The following MGAT4C variants were observed in gnomAD, a reference collection of about 807,000 sequenced individuals.
MGAT4C encodes the protein MGAT4 family member C, also known as alpha-1,3-mannosyl-glycoprotein 4-beta-N-acetylglucosaminyltransferase C.
Under a neutral mutation model 40.1 loss-of-function variants are expected in MGAT4C, and 19 were observed. That is an observed-to-expected ratio of 0.47 (90% CI 0.33 to 0.70). MGAT4C has a LOEUF of 0.70. MGAT4C is among the 30% of genes least tolerant of loss of function. The pLI, the probability that MGAT4C is intolerant of heterozygous loss-of-function variation, is 0.02. For synonymous variants in MGAT4C, 181 were observed against 187.1 expected (o/e 0.97, Z 0.27); for missense variants, 491 against 563.2 (o/e 0.87, Z 1.30).
rs987823440 is a variant in MGAT4C, at chr12:86,761,031, T to C, written c.-261-33790A>G. Among the ~76,000 whole-genome samples, 8 of 152,322 alleles carry C rather than the reference T, an allele frequency of 5.3e-5. No individual in the cohort carries two copies. In the East Asian group the frequency reaches 9.6e-4, roughly 18 times the overall value. ...AATTTTGTTCAGTTTCACAGGTGTA[T>C]AAATGTGCCAAAACATATATTGTAC... On this transcript the variant is annotated intron_variant, in intron 1 of 7. Coordinates refer to the MGAT4C transcript ENST00000548651.
At chr12:86,246,817 T>A (rs145340158) in intron 1 of MGAT4C, among the ~76,000 whole-genome samples, 2 of 152,372 alleles carry the variant, frequency 1.3e-5, no homozygotes, top group African/African-American at 4.8e-5. Flanking sequence ...AATTTCCTGC[T>A]GGACTCCTTG....
rs142735483 is a variant in MGAT4C, at chr12:86,143,285, T to C, written c.-56-93562A>G. ...GTCTTAGTTTCAGAATCATCTCCAA[T>C]GAGATACAGATCTATCATAAAAAGC... is the stretch of plus-strand genomic sequence containing the variant. On this transcript the variant is annotated intron_variant, in intron 1 of 4. Coordinates refer to ENST00000611864, the MANE Select transcript of MGAT4C (RefSeq NM_001351288.2). Among the ~76,000 whole-genome samples the C allele has an allele frequency of 2.0e-5, 3 of 152,290 alleles. No individual in the cohort carries two copies. In the East Asian group the frequency reaches 5.8e-4, roughly 29 times the overall value.
intron 4 of MGAT4C, among the ~76,000 whole-genome samples, chr12:86,323,341 T>C (rs1162565352): frequency 6.6e-6 from 1 of 151,730 alleles, no homozygotes; most frequent in Non-Finnish European, 1.5e-5. Context: ...TCATCCATAT[T>C]TTAATATTCA....
intron 2 of MGAT4C, among the ~76,000 whole-genome samples, chr12:86,450,422 T>C (rs1957406490): frequency 6.6e-6 from 1 of 152,190 alleles, no homozygotes. Context: ...CTGACAATTA[T>C]TCAAATTGTC....
chr12:85,993,311 G>T (rs538243150), intron 2 of MGAT4C, among the ~76,000 whole-genome samples: 19 of 152,326 alleles, frequency 1.2e-4, no homozygotes, highest in African/African-American at 4.6e-4. Flanking sequence ...GGATGGGGAG[G>T]AGTTGGAAGA....
chr12:86,651,227 T>C (rs1291176044), intron 2 of MGAT4C, among the ~76,000 whole-genome samples: 1 of 151,934 alleles, frequency 6.6e-6, no homozygotes, highest in Non-Finnish European at 1.5e-5. Flanking sequence ...GCACAGATTC[T>C]TCTTCATGGT....
intron 4 of MGAT4C, among the ~76,000 whole-genome samples, chr12:86,329,657 G>T (rs12303046): frequency 0.11 from 16,654 of 151,934 alleles, 2,263 homozygotes; most frequent in African/African-American, 0.3. Flanking sequence ...TGTCTCATTC[G>T]TCTTAATACT....
At chr12:86,229,392 T>C (rs1951225967) in intron 1 of MGAT4C, among the ~76,000 whole-genome samples, 1 of 151,954 alleles carries the variant, frequency 6.6e-6, no homozygotes, top group Non-Finnish European at 1.5e-5. Context: ...GTGTCTACTA[T>C]ATTGGGAGAA....
intron 2 of MGAT4C, among the ~76,000 whole-genome samples, chr12:86,666,990 A>T (rs1964125838): frequency 6.6e-6 from 1 of 152,206 alleles, no homozygotes; most frequent in Non-Finnish European, 1.5e-5. Flanking sequence ...GGAAGGGATT[A>T]TACAAGGTAT....
chr12:85,981,121 G>T (rs938682050), intron 4 of MGAT4C, among the ~76,000 whole-genome samples: 2 of 151,940 alleles, frequency 1.3e-5, no homozygotes, highest in South Asian at 4.1e-4. Context: ...CAAGACATAA[G>T]CACCACTTTA....
chr12:86,513,086 A>T (rs1203912068), intron 2 of MGAT4C, among the ~76,000 whole-genome samples: 1 of 152,150 alleles, frequency 6.6e-6, no homozygotes, highest in African/African-American at 2.4e-5. Flanking sequence ...AGCCAATTAA[A>T]GTTGCAATGT....
At chr12:86,774,343 C>CTG (rs1565981678) in intron 1 of MGAT4C, among the ~76,000 whole-genome samples, 1 of 54,502 alleles carries the variant, frequency 1.8e-5, no homozygotes, top group Non-Finnish European at 4.4e-5. Context: ...TTCTTTCTGT[C>CTG]TCTCTCTCTC....
intron 2 of MGAT4C, among the ~76,000 whole-genome samples, chr12:86,039,438 A>T (rs575894469): frequency 6.6e-6 from 1 of 151,900 alleles, no homozygotes; most frequent in Non-Finnish European, 1.5e-5. Context: ...TTTTTTCTCT[A>T]ATCTTGTCTT....
intron 2 of MGAT4C, among the ~76,000 whole-genome samples, chr12:86,570,527 A>G (rs1960318418): frequency 6.6e-6 from 1 of 152,158 alleles, no homozygotes; most frequent in Non-Finnish European, 1.5e-5. Context: ...AATTAAACTA[A>G]AAAAGCGCAT....
chr12:86,829,877 A>G (rs1207064072), intron 1 of MGAT4C, among the ~76,000 whole-genome samples: 1 of 150,054 alleles, frequency 6.7e-6, no homozygotes, highest in Non-Finnish European at 1.5e-5. Flanking sequence ...AGACAGCAGT[A>G]CTAGATAAAA....
At chr12:86,811,802 T>C (rs1313507400) in intron 1 of MGAT4C, among the ~76,000 whole-genome samples, 1 of 151,650 alleles carries the variant, frequency 6.6e-6, no homozygotes. Flanking sequence ...CATTTTCCAA[T>C]TTTCAATTTT....
At chr12:86,737,444 TA>T (rs1951004988) in intron 1 of MGAT4C, among the ~76,000 whole-genome samples, 2 of 151,050 alleles carry the variant, frequency 1.3e-5, no homozygotes, top group South Asian at 4.2e-4. Flanking sequence ...ACTTTTTTCT[TA>T]AATAATCTAG....
chr12:86,745,789 G>C (rs75711669), intron 1 of MGAT4C, among the ~76,000 whole-genome samples: 4,989 of 151,670 alleles, frequency 0.033, 275 homozygotes, highest in African/African-American at 0.11. Context: ...TAATGAATTT[G>C]TGTCAGAATC....
chr12:86,054,122 T>A (rs1893158753), intron 1 of MGAT4C, among the ~76,000 whole-genome samples: 1 of 152,022 alleles, frequency 6.6e-6, no homozygotes, highest in Non-Finnish European at 1.5e-5. Flanking sequence ...AATCAGTATG[T>A]CAAAGAGATA....
Sources: gnomAD v4.1 joint callset for allele counts (sites outside exome capture counted in the v4.1 genomes callset) on GRCh38, gnomAD v4.1.1 for gene constraint, MANE v1.5 for transcripts, NCBI Gene and HGNC (gene_info 2026-07-23, HGNC 2026-07-21) for gene names.